Variants in SCLT1 observed in about 807,000 individuals in gnomAD.
SCLT1 encodes sodium channel-associated protein 1.
Under a neutral mutation model 112.8 loss-of-function variants are expected in SCLT1, and 78 were observed. That is an observed-to-expected ratio of 0.69 (90% CI 0.58 to 0.83). The LOEUF (loss-of-function observed/expected upper bound fraction) is 0.83. Ranked by LOEUF, SCLT1 falls within the 40% of genes least tolerant of loss-of-function variation. The pLI is 0.00. For missense variants in SCLT1, 747 were observed against 770.4 expected, an observed-to-expected ratio of 0.97 and a Z score of 0.36; for synonymous variants, 257 against 254.7, an observed-to-expected ratio of 1.01 and a Z score of -0.09.
intron 18 of SCLT1, among the ~76,000 whole-genome samples, chr4:128,934,100 T>C (rs1242048819): frequency 2.0e-5 from 3 of 151,966 alleles, no homozygotes; most frequent in East Asian, 1.9e-4. Flanking sequence ...AATAATTATA[T>C]AAACATTTAT....
At chr4:128,942,969 C>T (rs746009348) in intron 17 of SCLT1, 27 bp downstream of exon 17, 2 of 1,510,696 alleles carry the variant, frequency 1.3e-6, no homozygotes, top group South Asian at 1.2e-5. Context: ...TTCATAAGTA[C>T]ACATTTAACT....
intron 5 of SCLT1, among the ~76,000 whole-genome samples, chr4:129,009,433 GA>G (rs1176206369): frequency 6.6e-6 from 1 of 151,580 alleles, no homozygotes; most frequent in Non-Finnish European, 1.5e-5. Flanking sequence ...AGAATGGTGT[GA>G]ACCCAGGAGG....
At position 128,994,803 on chromosome 4, in the gene SCLT1, T is replaced by C. The variant is rs1011163749; in HGVS notation, c.616-2566A>G. Among the ~76,000 whole-genome samples the C allele has an allele frequency of 5.3e-5, 8 of 152,268 alleles. No homozygotes were observed. In the East Asian group the frequency reaches 1.5e-3, roughly 29 times the overall value. ...ATTGGGCATTTCTTCACATACCCATTGCCTTGGAAAAATACCTATTTAAGT... is the reference window on the plus strand; with the variant it reads ...ATTGGGCATTTCTTCACATACCCATCGCCTTGGAAAAATACCTATTTAAGT... On this transcript the variant is annotated intron_variant, in intron 8 of 20. Coordinates refer to ENST00000281142, the MANE Select transcript of SCLT1 (RefSeq NM_144643.4).
chr4:128,990,903 A>G (rs1369155083), intron 9 of SCLT1, among the ~76,000 whole-genome samples: 2 of 151,896 alleles, frequency 1.3e-5, no homozygotes, highest in African/African-American at 4.8e-5. Flanking sequence ...AAAGAAAACT[A>G]TAAAACTCTG....
At chr4:129,049,611 C>G (rs1579844477) in intron 2 of SCLT1, among the ~76,000 whole-genome samples, 1 of 144,362 alleles carries the variant, frequency 6.9e-6, no homozygotes, top group East Asian at 2.1e-4. Flanking sequence ...CACATGTACC[C>G]TAAAACTTAA....
rs1230993170 is a variant in SCLT1, at chr4:128,942,909, C to A, written c.1632+87G>T. ...GATGAGAAGGCAAAAAAAAAGGGGG[C>A]CTTAAAGATGTTTTGCTAGGTCTCT... On this transcript the variant is annotated intron_variant, in intron 17 of 20. Transcript: ENST00000281142. 19 of 902,404 alleles carry A rather than the reference C, an allele frequency of 2.1e-5. No individual in the cohort carries two copies. The East Asian group carries it at 3.5e-4, about 17-fold the overall frequency. The allele number at this position is 902,404 out of a possible 1,614,324, so 55.9% of individuals were successfully genotyped here.
chr4:129,005,460 A>T (rs970613111), intron 5 of SCLT1, among the ~76,000 whole-genome samples: 16 of 152,184 alleles, frequency 1.1e-4, no homozygotes, highest in African/African-American at 3.1e-4. Flanking sequence ...TCAAAACCAC[A>T]ATGAGATATC....
At chr4:129,019,857 C>G (rs1427771806) in intron 5 of SCLT1, among the ~76,000 whole-genome samples, 1 of 150,996 alleles carries the variant, frequency 6.6e-6, no homozygotes, top group African/African-American at 2.4e-5. Context: ...TTATGCTCCT[C>G]CAATTAATCA....
At position 128,965,294 on chromosome 4, in the gene SCLT1, C is replaced by CA. The variant is rs1325985625; in HGVS notation, c.801dup (p.Gly268TrpfsTer8). The CA allele has an allele frequency of 6.2e-7, 1 of 1,608,816 alleles. No individual in the cohort carries two copies. Among genetic ancestry groups the CA allele is most frequent in the Non-Finnish European group, 8.5e-7 (1 of 1,175,430 alleles). ...CGCCTATCTGATGCTTCCTCTCTTC[C>CA]ATGGGCAGACACCACATCCTTCTCC... On this transcript the variant is annotated frameshift_variant, in exon 11 of 21. Coordinates refer to ENST00000281142, the MANE Select transcript of SCLT1 (RefSeq NM_144643.4). LOFTEE classifies it high-confidence loss of function.
At chr4:129,006,795 G>A (rs763849637) in intron 5 of SCLT1, among the ~76,000 whole-genome samples, 2 of 152,104 alleles carry the variant, frequency 1.3e-5, no homozygotes, top group African/African-American at 4.8e-5. Flanking sequence ...GGTGTTATAT[G>A]ATTTTGGGTT....
In SCLT1 at chr4:128,969,546, T is replaced by C. The variant is rs370905763; in HGVS notation, c.777+832A>G. On this transcript the variant is annotated intron_variant, in intron 10 of 20. Coordinates refer to ENST00000281142, the MANE Select transcript of SCLT1 (RefSeq NM_144643.4). ...GAGATCAAGCCACTGCACTCCAGCC[T>C]GGGTGACACAGCGAGACTCTGACTC... Among the ~76,000 whole-genome samples the C allele has an allele frequency of 2.6e-5, 4 of 152,208 alleles. No homozygotes were observed. In the East Asian group the frequency reaches 5.8e-4, roughly 22 times the overall value.
At position 128,976,276 on chromosome 4, in the gene SCLT1, T is replaced by TA. The variant is rs376230991; in HGVS notation, c.687-5809dup. 1.2e-4 allele frequency among the ~76,000 whole-genome samples: 18 copies of TA among 152,338 alleles called. No homozygotes were observed. In the East Asian group the frequency reaches 3.5e-3, roughly 29 times the overall value. Reference sequence around the variant, plus strand: ...GGTCATCTCTGTTTTTCAGAGTCTCTACAGGGGATTCTGATGTATATTCAC... The same window carrying TA: ...GGTCATCTCTGTTTTTCAGAGTCTCTAACAGGGGATTCTGATGTATATTCAC... On this transcript the variant is annotated intron_variant, in intron 9 of 20. Coordinates refer to ENST00000281142, the MANE Select transcript of SCLT1 (RefSeq NM_144643.4).
intron 2 of SCLT1, among the ~76,000 whole-genome samples, chr4:129,044,858 A>G (rs1361551752): frequency 6.6e-6 from 1 of 151,606 alleles, no homozygotes; most frequent in Non-Finnish European, 1.5e-5. Flanking sequence ...AAGAAAAAAG[A>G]AAGAGGGAAG....
At chr4:129,069,734 G>A (rs1008871387) in intron 2 of SCLT1, among the ~76,000 whole-genome samples, 3 of 152,024 alleles carry the variant, frequency 2.0e-5, no homozygotes. Flanking sequence ...TGCCAATCTG[G>A]ATGCCCTTTA....
chr4:129,052,416 T>G lies in SCLT1; in HGVS notation c.103-8365A>C, dbSNP rs562863790. On this transcript the variant is annotated intron_variant, in intron 2 of 20. Coordinates refer to ENST00000281142, the MANE Select transcript of SCLT1 (RefSeq NM_144643.4). ...TCAATGTCAGAATTTGTTTTTGGTC[T>G]ATTCAGGGATTTGACTTCTTCCTGG... is the stretch of plus-strand genomic sequence containing the variant. 2.0e-5 allele frequency among the ~76,000 whole-genome samples: 3 copies of G among 152,336 alleles called. No individual in the cohort carries two copies. The East Asian group carries it at 5.8e-4, about 29-fold the overall frequency.
At chr4:129,004,078 A>G (rs756064085) in intron 5 of SCLT1, among the ~76,000 whole-genome samples, 2 of 152,172 alleles carry the variant, frequency 1.3e-5, no homozygotes, top group Non-Finnish European at 2.9e-5. Context: ...AACAATTTCA[A>G]TGCATTAAAT....
chr4:128,944,726 C>G (rs1361301381), intron 16 of SCLT1: 1 of 152,102 alleles, frequency 6.6e-6, no homozygotes, highest in Admixed American at 6.6e-5. Flanking sequence ...CATATGAAAA[C>G]TTAGGAGAAA....
At chr4:129,019,585 A>G (rs1283306452) in intron 5 of SCLT1, among the ~76,000 whole-genome samples, 1 of 151,972 alleles carries the variant, frequency 6.6e-6, no homozygotes, top group Admixed American at 6.6e-5. Context: ...GTTAATTCCC[A>G]TAGGAAGGCA....
intron 18 of SCLT1, among the ~76,000 whole-genome samples, chr4:128,901,832 C>G (rs1222356194): frequency 1.3e-5 from 2 of 152,016 alleles, no homozygotes; most frequent in African/African-American, 4.8e-5. Flanking sequence ...TATTATAATG[C>G]TAGTATTTTA....
Sources: gnomAD v4.1 joint callset for allele counts (sites outside exome capture counted in the v4.1 genomes callset) on GRCh38, gnomAD v4.1.1 for gene constraint, MANE v1.5 for transcripts, NCBI Gene and HGNC (gene_info 2026-07-23, HGNC 2026-07-21) for gene names.